Variants in USH1C observed in about 807,000 individuals in gnomAD.
The protein encoded by USH1C is USH1 protein network component harmonin.
In USH1C, 90 loss-of-function variants were observed where a neutral mutation model predicts 119.3. The observed-to-expected ratio is 0.75, with a 90% CI of 0.64 to 0.90. USH1C has a LOEUF of 0.90. Ranked by LOEUF, USH1C falls within the 40% of genes least tolerant of loss-of-function variation. The pLI is 0.00. For missense variants in USH1C, 1,165 were observed against 1,167.7 expected (o/e 1.00, Z 0.03); for synonymous variants, 465 against 443.3 (o/e 1.05, Z -0.62).
At chr11:17,528,684 G>A (rs1471250159) in intron 4 of USH1C, among the ~76,000 whole-genome samples, 1 of 152,196 alleles carries the variant, frequency 6.6e-6, no homozygotes, top group Non-Finnish European at 1.5e-5. Context: ...GCCCTCTACA[G>A]CATTCCCACA....
chr11:17,512,104 A>G, intron 15 of USH1C, 50 bp from the exon 16 acceptor site: 2 of 1,595,774 alleles, frequency 1.3e-6, no homozygotes, highest in Non-Finnish European at 1.7e-6. Flanking sequence ...AATAGTGTCG[A>G]CAGCACAGCA....
chr11:17,494,142 C>T lies in USH1C; in HGVS notation c.*190G>A. On this transcript the variant is annotated 3_prime_UTR_variant, in exon 27 of 27. Transcript: ENST00000005226. The stretch of plus-strand genomic sequence containing the variant: ...CAAATGGCTGGCTGCTCCCTTTCCT[C>T]CACGTTGGCCTTCAGAAGAGTGGCC... 1 of 665,348 alleles carries T rather than the reference C, an allele frequency of 1.5e-6. No homozygotes were observed. The highest frequency in any genetic ancestry group is 2.7e-6 in the Non-Finnish European group (1 of 375,356). The allele number at this position is 665,348 out of a possible 1,614,324, so 41.2% of individuals were successfully genotyped here. A position where few individuals can be genotyped will look rare whatever the true frequency, so the allele number is the denominator to read the frequency against.
intron 4 of USH1C, among the ~76,000 whole-genome samples, chr11:17,528,238 G>T (rs1054567762): frequency 6.6e-6 from 1 of 152,138 alleles, no homozygotes; most frequent in Non-Finnish European, 1.5e-5. Flanking sequence ...CTCTTCTCAG[G>T]GCTTAGGCCA....
chr11:17,500,821 G>T (rs2133782320), intron 23 of USH1C, among the ~76,000 whole-genome samples: 1 of 152,232 alleles, frequency 6.6e-6, no homozygotes, highest in Admixed American at 6.5e-5. Flanking sequence ...ACCCTGGCTG[G>T]GGACCCCCTG....
intron 1 of USH1C, 119 bp downstream of exon 1, chr11:17,544,153 C>G: frequency 1.4e-6 from 2 of 1,391,856 alleles, no homozygotes; most frequent in Non-Finnish European, 2.0e-6. Flanking sequence ...TGTCCCAGCC[C>G]AACCAGAGCC....
In USH1C at chr11:17,531,377, A is replaced by T; in HGVS notation, c.248+22T>A. 6.2e-7 allele frequency: 1 copy of T among 1,613,784 alleles called. No individual in the cohort carries two copies. Among genetic ancestry groups the T allele is most frequent in the Non-Finnish European group, 8.5e-7 (1 of 1,179,858 alleles). On this transcript the variant is annotated intron_variant, in intron 3 of 26. Coordinates refer to ENST00000005226, the MANE Select transcript of USH1C (RefSeq NM_153676.4). This position sits in a 1 kb window ranked among gnomAD's most constrained non-coding sequence, Gnocchi z 4.2. ...GGTGATCTCTCCACCCCCTGCCTCC[A>T]GCCTGGTGGCTTCCTCTGCACCTGG...
chr11:17,509,827 C>G lies in USH1C; in HGVS notation c.1542G>C (p.Gly514=), dbSNP rs1452856374. ...ACACAGAAGGCGGGGGAGGCGGGGG[C>G]CCTGTGGTCATCTGGGGGTGTTGCA... The part of the protein sequence containing the change: ...ADNEISEMTT[G]PPPPPPSVSP... Residue 514 remains glycine (G), a synonymous_variant, in exon 18 of 27, where the codon GGG becomes GGC. Coordinates refer to ENST00000005226, the MANE Select transcript of USH1C (RefSeq NM_153676.4). 2 of 1,595,058 alleles carry G rather than the reference C, an allele frequency of 1.3e-6. No individual in the cohort carries two copies. The highest frequency in any genetic ancestry group is 4.5e-5 in the East Asian group (2 of 44,790).
rs768782484 is a variant in USH1C, at chr11:17,521,370, T to C, written c.1061A>G (p.Glu354Gly). The C allele has an allele frequency of 1.9e-6, 3 of 1,614,162 alleles. No individual in the cohort carries two copies. The South Asian group carries it at 3.3e-5, about 18-fold the overall frequency. The stretch of plus-strand genomic sequence containing the variant: ...CTGTTCCATCTCCTTCCGGTATCTC[T>C]CATTTTCCTCTGCTGCCTTCTGGGC... ...EIAQKAAEENERYRKEMEQIV... is the reference protein window; with the variant it reads ...EIAQKAAEENGRYRKEMEQIV... Residue 354 changes from glutamate to glycine, a missense_variant, in exon 13 of 27, where the codon GAG becomes GGG. Glu to Gly is a moderately conservative substitution (Grantham distance 98, BLOSUM62 -2). Transcript: ENST00000005226.
At chr11:17,523,375 G>A (rs544571725) in intron 10 of USH1C, 44 bp downstream of exon 10, 1 of 1,613,546 alleles carries the variant, frequency 6.2e-7, no homozygotes, top group Non-Finnish European at 8.5e-7. Flanking sequence ...GAAGTGGGGT[G>A]TGGAGATGAC....
Position 17,510,394 on chromosome 11 carries a change from G to A in USH1C, c.1530+11C>T. ...GCAGGAGGGTCTATGTGGAAAGAAG[G>A]GCTCTGTTACCTCTGAAATCTCATT... On this transcript the variant is annotated intron_variant, in intron 17 of 26. Coordinates refer to ENST00000005226, the MANE Select transcript of USH1C (RefSeq NM_153676.4). 1 of 1,605,656 alleles carries A rather than the reference G, an allele frequency of 6.2e-7. No individual in the cohort carries two copies. The highest frequency in any genetic ancestry group is 8.5e-7 in the Non-Finnish European group (1 of 1,174,310).
chr11:17,527,442 G>C, intron 4 of USH1C, 111 bp from the exon 5 acceptor site: 11 of 873,426 alleles, frequency 1.3e-5, no homozygotes, highest in Non-Finnish European at 2.1e-5. Flanking sequence ...AAGGGTGGCT[G>C]TGCCACCCCC....
intron 1 of USH1C, among the ~76,000 whole-genome samples, chr11:17,534,855 C>G (rs1321728744): frequency 7.8e-6 from 1 of 127,758 alleles, no homozygotes; most frequent in Non-Finnish European, 1.6e-5. Context: ...GGCTGGGTGA[C>G]AGAGCGAGAC....
In USH1C at chr11:17,533,242, C is replaced by T; in HGVS notation, c.104+13G>A. 1 of 1,611,656 alleles carries T rather than the reference C, an allele frequency of 6.2e-7. No homozygotes were observed. Reference sequence around the variant, plus strand: ...CCCAAGTGGCCCACAAGAGCTGGACCCAGCACACTTACTGGTGGTACATTC... The same window carrying T: ...CCCAAGTGGCCCACAAGAGCTGGACTCAGCACACTTACTGGTGGTACATTC... On this transcript the variant is annotated intron_variant, in intron 2 of 26. Coordinates refer to ENST00000005226, the MANE Select transcript of USH1C (RefSeq NM_153676.4).
At chr11:17,534,518 C>T (rs905738180) in intron 1 of USH1C, among the ~76,000 whole-genome samples, 10 of 152,214 alleles carry the variant, frequency 6.6e-5, no homozygotes, top group African/African-American at 2.4e-4. Context: ...TTAGTTGCTA[C>T]AGAAGTTCAG....
chr11:17,513,415 G>C (rs1053068079), intron 15 of USH1C, among the ~76,000 whole-genome samples: 4 of 152,134 alleles, frequency 2.6e-5, no homozygotes, highest in African/African-American at 4.8e-5. Context: ...CAGGAATAAG[G>C]AATTGAGCTC....
At chr11:17,517,594 G>A (rs1850214099) in intron 14 of USH1C, 3 of 966,586 alleles carry the variant, frequency 3.1e-6, no homozygotes, top group Admixed American at 4.0e-5. Context: ...GGAGCTGTGA[G>A]GTCAGGGGCA....
rs1265656808 is a variant in USH1C, at chr11:17,505,987, T to C, written c.2014-38A>G. On this transcript the variant is annotated intron_variant, in intron 18 of 26. Transcript: ENST00000005226. Reference sequence around the variant, plus strand: ...TTTAACAGGGACCCAGGTGAGGTCATGGTGGGGTGGCCAAGGCCAGCCATG... The same window carrying C: ...TTTAACAGGGACCCAGGTGAGGTCACGGTGGGGTGGCCAAGGCCAGCCATG... The C allele has an allele frequency of 2.5e-6, 4 of 1,613,736 alleles. 1 individual carries two copies. The highest frequency in any genetic ancestry group is 2.2e-5 in the South Asian group (2 of 91,046).
In USH1C at chr11:17,531,310, T is replaced by A. The variant is rs1264650878; in HGVS notation, c.249-18A>T. ...TCAGCTTCCTGCCACACAGGAGAGG[T>A]CGGTGATGGTGCAGCTTGGCTGCCA... is the stretch of plus-strand genomic sequence containing the variant. On this transcript the variant is annotated intron_variant, in intron 3 of 26. Transcript: ENST00000005226. The surrounding 1 kb of genome is among the most constrained non-coding windows in gnomAD (Gnocchi z 4.2). 1 of 1,613,856 alleles carries A rather than the reference T, an allele frequency of 6.2e-7. No homozygotes were observed. The highest frequency in any genetic ancestry group is 1.7e-5 in the Admixed American group (1 of 60,026).
At chr11:17,520,778 G>A in intron 14 of USH1C, 92 bp downstream of exon 14, 1 of 1,482,054 alleles carries the variant, frequency 6.7e-7, no homozygotes. Flanking sequence ...GAGCACCAAG[G>A]GCTATCCATC....
Sources: gnomAD v4.1 joint callset for allele counts (sites outside exome capture counted in the v4.1 genomes callset) on GRCh38, gnomAD v4.1.1 for gene constraint, Gnocchi (gnomAD v3.1) non-coding constraint, MANE v1.5 for transcripts, NCBI Gene and HGNC (gene_info 2026-07-23, HGNC 2026-07-21) for gene names.